The following FAM161B variants were observed in gnomAD, a reference collection of about 807,000 sequenced individuals.
The protein encoded by FAM161B is FAM161 centrosomal protein B, also known as protein FAM161B.
Under a neutral mutation model 61.5 loss-of-function variants are expected in FAM161B, and 46 were observed. The ratio of observed to expected loss-of-function variants is 0.75; its 90% CI spans 0.59 to 0.96. FAM161B has a LOEUF of 0.96. Ranked by LOEUF, FAM161B falls within the 40% of genes least tolerant of loss-of-function variation. The pLI, the probability that FAM161B is intolerant of heterozygous loss-of-function variation, is 0.00. For synonymous variants in FAM161B, 284 were observed against 302.7 expected, an observed-to-expected ratio of 0.94 and a Z score of 0.64; for missense variants, 774 against 800.7, an observed-to-expected ratio of 0.97 and a Z score of 0.40.
rs75730360 is a variant in FAM161B, at chr14:73,942,332, G to T, written c.1272+37C>A. ...CTGGCCCCACCCTGTATTTCAGGCC[G>T]CAGCCCTGACCCTCCCACAGCTGCC... On this transcript the variant is annotated intron_variant, in intron 4 of 8. Transcript: ENST00000286544. 5.2e-4 allele frequency: 823 copies of T among 1,588,692 alleles called. 1 individual carries two copies. The highest frequency in any genetic ancestry group is 1.4e-3 in the Middle Eastern group (7 of 5,168).
chr14:73,946,338 A>G lies in FAM161B; in HGVS notation c.322T>C (p.Phe108Leu). The change falls in exon 2 of 9, where the codon TTC (phenylalanine) becomes CTC (leucine). Residue 108 changes from phenylalanine to leucine, a missense_variant. Coordinates refer to ENST00000286544, the MANE Select transcript of FAM161B (RefSeq NM_152445.3). ...SEDEEDLESFFQDKDRGMVQV... is the reference protein window; with the variant it reads ...SEDEEDLESFLQDKDRGMVQV... ...ACCATCCCCCTGTCCTTGTCTTGGAAGAAACTCTCCAGGTCCTCCTCATCT... is the reference window on the plus strand; with the variant it reads ...ACCATCCCCCTGTCCTTGTCTTGGAGGAAACTCTCCAGGTCCTCCTCATCT... The G allele has an allele frequency of 6.2e-7, 1 of 1,614,184 alleles. No individual in the cohort carries two copies. The highest frequency in any genetic ancestry group is 8.5e-7 in the Non-Finnish European group (1 of 1,180,026).
chr14:73,949,440 G>T (rs112051668), intron 1 of FAM161B, among the ~76,000 whole-genome samples: 2 of 151,808 alleles, frequency 1.3e-5, no homozygotes, highest in Non-Finnish European at 2.9e-5. Context: ...GCCTGGTCTC[G>T]ATCTCTTGAC....
chr14:73,949,621 A>T (rs1158423150), intron 1 of FAM161B, among the ~76,000 whole-genome samples: 1 of 151,698 alleles, frequency 6.6e-6, no homozygotes, highest in Admixed American at 6.6e-5. Context: ...GGCCTCCCAA[A>T]GTGCTAGGAT....
In FAM161B at chr14:73,942,352, G is replaced by A; in HGVS notation, c.1272+17C>T. 1 of 1,610,168 alleles carries A rather than the reference G, an allele frequency of 6.2e-7. No individual in the cohort carries two copies. Among genetic ancestry groups the A allele is most frequent in the Non-Finnish European group, 8.5e-7 (1 of 1,177,814 alleles). ...AGGCCGCAGCCCTGACCCTCCCACAGCTGCCTGGGCTCTCACCTGCCTCCT... is the reference window on the plus strand; with the variant it reads ...AGGCCGCAGCCCTGACCCTCCCACAACTGCCTGGGCTCTCACCTGCCTCCT... On this transcript the variant is annotated intron_variant, in intron 4 of 8. Transcript: ENST00000286544.
Position 73,944,677 on chromosome 14 carries a change from A to G in FAM161B, c.583T>C (p.Phe195Leu), listed in dbSNP as rs1172294509. 1.2e-6 allele frequency: 2 copies of G among 1,611,568 alleles called. No individual in the cohort carries two copies. The highest frequency in any genetic ancestry group is 1.1e-5 in the South Asian group (1 of 91,008). The change falls in exon 3 of 9, where the codon TTT becomes CTT. Residue 195 changes from phenylalanine to leucine, a missense_variant. Phe to Leu is a conservative substitution (Grantham distance 22). Transcript: ENST00000286544. Reference sequence around the variant, plus strand: ...TGGGCCCGCTGCCTCTCCTGCTCAAAGGAGGCAGGTGAGCCCAGCCACTCG... The same window carrying G: ...TGGGCCCGCTGCCTCTCCTGCTCAAGGGAGGCAGGTGAGCCCAGCCACTCG... ...KAEWLGSPAS[F>L]EQERQRAQRQ... is the part of the protein sequence containing the mutation.
the FAM161B span, chr14:73,924,775 C>A: frequency 7.3e-6 from 3 of 410,188 alleles, no homozygotes; most frequent in Admixed American, 9.3e-5. Flanking sequence ...CTCCCAGGTT[C>A]AAGCGATTCT....
Position 73,934,333 on chromosome 14 carries a change from C to G in FAM161B, c.1867G>C (p.Glu623Gln). The change falls in exon 9 of 9, where the codon GAA (glutamate) becomes CAA (glutamine). Residue 623 changes from glutamate (E) to glutamine (Q), a missense_variant. Coordinates refer to ENST00000286544, the MANE Select transcript of FAM161B (RefSeq NM_152445.3). ...ACTTTCCTGGGGCTTGCAGGCTGTT[C>G]TAGAGATCCTTCTAAACCCTGCTCT... The part of the protein sequence containing the change: ...DPEQGLEGSL[E>Q]QPASPRKVLE... 6.2e-7 allele frequency: 1 copy of G among 1,614,088 alleles called. No individual in the cohort carries two copies. The highest frequency in any genetic ancestry group is 8.5e-7 in the Non-Finnish European group (1 of 1,180,012).
At chr14:73,940,467 C>A (rs1401154383) in intron 5 of FAM161B, among the ~76,000 whole-genome samples, 2 of 152,128 alleles carry the variant, frequency 1.3e-5, no homozygotes, top group Admixed American at 1.3e-4. Flanking sequence ...CTGTCTGGAA[C>A]CTTCCTTCTC....
At chr14:73,949,845 G>A (rs2056117978) in intron 1 of FAM161B, 128 bp downstream of exon 1, 2 of 1,342,452 alleles carry the variant, frequency 1.5e-6, no homozygotes, top group East Asian at 4.6e-5. Flanking sequence ...CCGCCTCCTG[G>A]TCCCTAAACG....
intron 7 of FAM161B, among the ~76,000 whole-genome samples, chr14:73,937,098 A>G (rs2055976320): frequency 6.6e-6 from 1 of 152,150 alleles, no homozygotes; most frequent in Admixed American, 6.6e-5. Flanking sequence ...AAAAGAAGAA[A>G]AAAAAATTTC....
downstream of FAM161B, chr14:73,927,144 G>T: frequency 4.6e-6 from 1 of 217,646 alleles, no homozygotes; most frequent in Admixed American, 5.0e-5. Context: ...GGAGTGCAGT[G>T]GCACCATCTC....
At chr14:73,923,655 C>G in the FAM161B span, 5 of 1,230,014 alleles carry the variant, frequency 4.1e-6, no homozygotes, top group Admixed American at 1.1e-4. Context: ...TTAAATTAAG[C>G]ATGAGTTCAG....
At chr14:73,937,545 T>C (rs2055979885) in intron 7 of FAM161B, 57 bp downstream of exon 7, 1 of 1,517,020 alleles carries the variant, frequency 6.6e-7, no homozygotes. Flanking sequence ...TGTTTTGTAA[T>C]TTTTCAGAGT....
At chr14:73,932,097 C>T (rs759547052), downstream of FAM161B, 81 of 451,244 alleles carry the variant, frequency 1.8e-4, no homozygotes, top group Non-Finnish European at 2.8e-4. Flanking sequence ...TGAATCTCCC[C>T]TTGGCCCAGG....
At position 73,942,705 on chromosome 14, in the gene FAM161B, GAGCTC is replaced by G; in HGVS notation, c.931_935del (p.Glu311LeufsTer25). The G allele has an allele frequency of 6.2e-7, 1 of 1,612,418 alleles. No homozygotes were observed. The highest frequency in any genetic ancestry group is 1.1e-5 in the South Asian group (1 of 91,040). On this transcript the variant is annotated frameshift_variant, in exon 4 of 9. Transcript: ENST00000286544. LOFTEE classifies it high-confidence loss of function. ...TCATTTGGATGCGAATTTTCCTGAA[GAGCTC>G]AGCTTCTGTGGAGAAAGGATGGTGA... is the stretch of plus-strand genomic sequence containing the variant.
At chr14:73,929,096 TC>T (rs1566669100), downstream of FAM161B, among the ~76,000 whole-genome samples, 1 of 152,242 alleles carries the variant, frequency 6.6e-6, no homozygotes, top group Non-Finnish European at 1.5e-5. Flanking sequence ...TGTCACTTTT[TC>T]CTCATGGGTT....
chr14:73,931,604 AG>A (rs1236402182), downstream of FAM161B: 1 of 1,484,044 alleles, frequency 6.7e-7, no homozygotes. Flanking sequence ...TACTGGGAAC[AG>A]GATGCCTTAG....
At chr14:73,943,546 G>A (rs1183547909) in intron 3 of FAM161B, among the ~76,000 whole-genome samples, 1 of 151,924 alleles carries the variant, frequency 6.6e-6, no homozygotes, top group African/African-American at 2.4e-5. Flanking sequence ...TCCATCCCTT[G>A]CAGATGCTCT....
In FAM161B at chr14:73,936,011, T is replaced by C; in HGVS notation, c.1743A>G (p.Arg581=). ...KQAGLEEDFV[R]NKGQGTRAVQ... ...CAGCCCGGGTGCCTTGACCCTTGTTTCTCACAAAGTCTTCCTCCAGCCCAG... is the reference window on the plus strand; with the variant it reads ...CAGCCCGGGTGCCTTGACCCTTGTTCCTCACAAAGTCTTCCTCCAGCCCAG... The change falls in exon 8 of 9, where the codon AGA becomes AGG. Residue 581 remains arginine (R), a synonymous_variant. Transcript: ENST00000286544. 2 of 1,613,880 alleles carry C rather than the reference T, an allele frequency of 1.2e-6. No individual in the cohort carries two copies. The highest frequency in any genetic ancestry group is 8.5e-7 in the Non-Finnish European group (1 of 1,179,848).
Sources: allele counts gnomAD v4.1 joint callset (sites outside exome capture counted in the v4.1 genomes callset), GRCh38; gene constraint gnomAD v4.1.1; transcripts MANE v1.5; gene names NCBI Gene and HGNC (gene_info 2026-07-23, HGNC 2026-07-21).